QTMAN: variants seen among roughly 807,000 people sequenced by gnomAD.
The protein encoded by QTMAN is queuosine-tRNA mannosyltransferase, also known as tRNA-queuosine alpha-mannosyltransferase.
chr2:144,233,564 A>G, the QTMAN span, among the ~76,000 whole-genome samples: 1 of 152,174 alleles, frequency 6.6e-6, no homozygotes, highest in East Asian at 1.9e-4. Flanking sequence ...GAACCAAGCT[A>G]CACAAAACAT....
the QTMAN span, among the ~76,000 whole-genome samples, chr2:144,113,135 T>G: frequency 6.6e-6 from 1 of 151,942 alleles, no homozygotes; most frequent in Non-Finnish European, 1.5e-5. Flanking sequence ...AGATGCCAAC[T>G]AAGATTACCT....
At chr2:144,093,707 G>A in the QTMAN span, among the ~76,000 whole-genome samples, 1 of 152,156 alleles carries the variant, frequency 6.6e-6, no homozygotes, top group African/African-American at 2.4e-5. Context: ...AACAAGAGCT[G>A]CAGAAGGGTC....
the QTMAN span, among the ~76,000 whole-genome samples, chr2:144,024,728 C>G: frequency 6.6e-6 from 1 of 152,050 alleles, no homozygotes; most frequent in African/African-American, 2.4e-5. Context: ...TCACTAAGAT[C>G]AACAAAATAC....
the QTMAN span, among the ~76,000 whole-genome samples, chr2:144,243,699 T>G: frequency 6.6e-6 from 1 of 152,212 alleles, no homozygotes; most frequent in Admixed American, 6.5e-5. Context: ...GTACTTTAAG[T>G]GATAATTTAT....
At chr2:144,158,216 G>A in the QTMAN span, among the ~76,000 whole-genome samples, 2 of 151,904 alleles carry the variant, frequency 1.3e-5, no homozygotes, top group African/African-American at 4.8e-5. Flanking sequence ...GTAACAAGGC[G>A]AGATTCTCCC....
the QTMAN span, among the ~76,000 whole-genome samples, chr2:144,094,516 G>A: frequency 1.3e-5 from 2 of 152,112 alleles, no homozygotes; most frequent in East Asian, 3.9e-4. Flanking sequence ...TTATAATCAT[G>A]GCAGAAGGCA....
At chr2:144,168,877 G>A in the QTMAN span, among the ~76,000 whole-genome samples, 1 of 151,938 alleles carries the variant, frequency 6.6e-6, no homozygotes, top group South Asian at 2.1e-4. Flanking sequence ...TAGAATCACT[G>A]AAACTTCATC....
At chr2:144,050,203 T>C in the QTMAN span, among the ~76,000 whole-genome samples, 1 of 152,182 alleles carries the variant, frequency 6.6e-6, no homozygotes. Context: ...TTAAATTAAC[T>C]CTATGTAGAC....
the QTMAN span, among the ~76,000 whole-genome samples, chr2:144,060,087 GTTC>G: frequency 2.0e-5 from 3 of 151,642 alleles, no homozygotes; most frequent in African/African-American, 7.3e-5. Flanking sequence ...TCTCTGGTCA[GTTC>G]TTAAGAAGTT....
chr2:144,196,757 T>C, the QTMAN span, among the ~76,000 whole-genome samples: 1 of 152,216 alleles, frequency 6.6e-6, no homozygotes. Flanking sequence ...AGGAGGAAAC[T>C]GGCTTTTCTG....
At chr2:144,020,400 A>C in the QTMAN span, among the ~76,000 whole-genome samples, 1 of 152,248 alleles carries the variant, frequency 6.6e-6, no homozygotes, top group African/African-American at 2.4e-5. Context: ...GGACATCCAG[A>C]GGAATGTACT....
At chr2:144,175,505 A>G in the QTMAN span, among the ~76,000 whole-genome samples, 1 of 152,108 alleles carries the variant, frequency 6.6e-6, no homozygotes, top group South Asian at 2.1e-4. Context: ...CATCACCACC[A>G]CTATCCCTAC....
the QTMAN span, among the ~76,000 whole-genome samples, chr2:144,099,610 C>G: frequency 2.8e-3 from 427 of 152,320 alleles, 2 homozygotes; most frequent in African/African-American, 9.7e-3. Context: ...ACGTCTCCTT[C>G]TTTCCACATT....
the QTMAN span, among the ~76,000 whole-genome samples, chr2:144,311,663 ACTTGATATC>A: frequency 6.6e-6 from 1 of 152,104 alleles, no homozygotes; most frequent in Non-Finnish European, 1.5e-5. Context: ...CTCTCTTCCT[ACTTGATATC>A]CTTTTGTTCT....
At chr2:144,243,457 G>A in the QTMAN span, among the ~76,000 whole-genome samples, 8 of 152,168 alleles carry the variant, frequency 5.3e-5, no homozygotes, top group Admixed American at 5.2e-4. Flanking sequence ...AATGGAATTT[G>A]CTATGATATT....
the QTMAN span, among the ~76,000 whole-genome samples, chr2:144,079,092 TA>T: frequency 2.0e-5 from 3 of 152,132 alleles, no homozygotes. Context: ...ATAATTCACT[TA>T]AAAAACTAGC....
At chr2:144,167,139 G>C in the QTMAN span, among the ~76,000 whole-genome samples, 4 of 152,122 alleles carry the variant, frequency 2.6e-5, no homozygotes, top group African/African-American at 4.8e-5. Flanking sequence ...CAAAATGCCT[G>C]TGACATAGAT....
At chr2:144,237,444 GT>G in the QTMAN span, 2 of 152,106 alleles carry the variant, frequency 1.3e-5, no homozygotes, top group African/African-American at 4.8e-5. Context: ...GAATGATAAT[GT>G]TACGATACAA....
chr2:144,261,432 A>C, the QTMAN span, among the ~76,000 whole-genome samples: 15 of 152,322 alleles, frequency 9.8e-5, no homozygotes, highest in African/African-American at 3.6e-4. Context: ...CTTGGTTTAC[A>C]CCTGGTTTTG....
Sources: gnomAD v4.1 joint callset for allele counts (sites outside exome capture counted in the v4.1 genomes callset) on GRCh38, gnomAD v4.1.1 for gene constraint, MANE v1.5 for transcripts, NCBI Gene and HGNC (gene_info 2026-07-23, HGNC 2026-07-21) for gene names.